Variants in CDH18 observed in about 807,000 individuals in gnomAD.
CDH18 encodes the protein cadherin 18.
A neutral mutation model predicts 67.9 loss-of-function variants in CDH18; 31 were observed. The ratio of observed to expected loss-of-function variants is 0.46; its 90% CI spans 0.34 to 0.62. The LOEUF (loss-of-function observed/expected upper bound fraction) is 0.62. CDH18 is among the 20% of genes least tolerant of loss of function. CDH18 has a pLI of 0.01. For missense variants in CDH18, 890 were observed against 975.5 expected (o/e 0.91, Z 1.17); for synonymous variants, 362 against 347.2 (o/e 1.04, Z -0.48).
At chr5:20,525,533 A>G (rs530542286) in intron 1 of CDH18, among the ~76,000 whole-genome samples, 22 of 152,170 alleles carry the variant, frequency 1.4e-4, no homozygotes, top group African/African-American at 5.3e-4. Flanking sequence ...CCTGCAGTTC[A>G]CCTGGAGAAA....
chr5:19,909,195 C>T (rs1307416849), intron 2 of CDH18, among the ~76,000 whole-genome samples: 10 of 152,076 alleles, frequency 6.6e-5, no homozygotes, highest in Admixed American at 2.6e-4. Flanking sequence ...TAGTCAGCAA[C>T]TCCACAATAT....
chr5:19,833,452 C>A (rs1263733339), intron 3 of CDH18, among the ~76,000 whole-genome samples: 3 of 152,122 alleles, frequency 2.0e-5, no homozygotes, highest in African/African-American at 4.8e-5. Context: ...AATGTAAAAT[C>A]ATGTCATCTG....
At chr5:20,179,826 C>T (rs1737542130) in intron 2 of CDH18, among the ~76,000 whole-genome samples, 1 of 152,062 alleles carries the variant, frequency 6.6e-6, no homozygotes, top group Non-Finnish European at 1.5e-5. Context: ...GACAGACAGG[C>T]AGGGTCTCCA....
intron 1 of CDH18, among the ~76,000 whole-genome samples, chr5:20,415,041 G>T (rs531121854): frequency 1.4e-3 from 219 of 152,248 alleles, no homozygotes; most frequent in South Asian, 5.6e-3. Context: ...CATGTTAATT[G>T]CAGCAGTATG....
rs540911550 is a variant in CDH18 at position 19,577,595 on chromosome 5, T to G, written c.1000-5763A>C. Among the ~76,000 whole-genome samples the G allele has an allele frequency of 2.0e-5, 3 of 152,304 alleles. No individual in the cohort carries two copies. In the South Asian group the frequency reaches 6.2e-4, roughly 32 times the overall value. On this transcript the variant is annotated intron_variant, in intron 7 of 12. Transcript: ENST00000382275. ...AACTATCTAGAGTTTCACCCACACCTGATTAAGATAATGAGATTTAGATTG... is the reference window on the plus strand; with the variant it reads ...AACTATCTAGAGTTTCACCCACACCGGATTAAGATAATGAGATTTAGATTG...
chr5:19,512,000 T>C (rs555213514), intron 10 of CDH18, among the ~76,000 whole-genome samples: 4 of 152,100 alleles, frequency 2.6e-5, no homozygotes, highest in African/African-American at 4.8e-5. Context: ...AAAACTGTTT[T>C]TGTGGGCCAG....
intron 5 of CDH18, among the ~76,000 whole-genome samples, chr5:19,615,879 C>G (rs916725571): frequency 6.6e-6 from 1 of 152,136 alleles, no homozygotes; most frequent in Non-Finnish European, 1.5e-5. Context: ...TTCCTTTTAA[C>G]TCTGACTAAT....
intron 1 of CDH18, among the ~76,000 whole-genome samples, chr5:20,276,253 G>C (rs544212935): frequency 6.6e-6 from 1 of 152,184 alleles, no homozygotes; most frequent in South Asian, 2.1e-4. Flanking sequence ...CCCAGGGAGC[G>C]CAGCTCACAG....
chr5:20,187,555 A>C (rs903314401), intron 2 of CDH18, among the ~76,000 whole-genome samples: 1 of 151,904 alleles, frequency 6.6e-6, no homozygotes, highest in African/African-American at 2.4e-5. Context: ...ACATAAAATA[A>C]ATTTCCTGCT....
intron 3 of CDH18, among the ~76,000 whole-genome samples, chr5:19,811,124 A>G (rs529927509): frequency 8.2e-6 from 1 of 122,656 alleles, no homozygotes; most frequent in Admixed American, 8.6e-5. Context: ...GAAAGAAAGA[A>G]AGAAAGAAAG....
intron 1 of CDH18, among the ~76,000 whole-genome samples, chr5:20,405,594 A>C (rs1482440461): frequency 6.6e-6 from 1 of 152,192 alleles, no homozygotes; most frequent in Non-Finnish European, 1.5e-5. Flanking sequence ...AATGGGATCT[A>C]AGTAAACTAA....
At chr5:20,037,721 T>C (rs1167313405) in intron 2 of CDH18, among the ~76,000 whole-genome samples, 1 of 152,116 alleles carries the variant, frequency 6.6e-6, no homozygotes, top group Non-Finnish European at 1.5e-5. Flanking sequence ...GATGGAAATT[T>C]ATAGCACCAA....
chr5:19,806,842 T>C (rs1474305913), intron 3 of CDH18, among the ~76,000 whole-genome samples: 2 of 152,202 alleles, frequency 1.3e-5, no homozygotes, highest in Admixed American at 6.5e-5. Context: ...ACGATACATA[T>C]ATGTCAATAA....
At chr5:19,655,834 A>T (rs1335738328) in intron 5 of CDH18, among the ~76,000 whole-genome samples, 1 of 152,124 alleles carries the variant, frequency 6.6e-6, no homozygotes, top group East Asian at 1.9e-4. Context: ...TCATCCTTAG[A>T]AAGCACTCTC....
intron 2 of CDH18, among the ~76,000 whole-genome samples, chr5:20,027,359 C>T (rs1297697400): frequency 1.3e-5 from 2 of 152,120 alleles, no homozygotes; most frequent in African/African-American, 4.8e-5. Context: ...ATATAGTCTG[C>T]TGTTTTTGTC....
At chr5:19,871,352 T>G (rs948386739) in intron 2 of CDH18, among the ~76,000 whole-genome samples, 1 of 152,104 alleles carries the variant, frequency 6.6e-6, no homozygotes, top group African/African-American at 2.4e-5. Context: ...CATATACTAT[T>G]CTAAAGTCTA....
At chr5:19,956,641 G>A (rs1197867893) in intron 2 of CDH18, among the ~76,000 whole-genome samples, 1 of 151,034 alleles carries the variant, frequency 6.6e-6, no homozygotes, top group Non-Finnish European at 1.5e-5. Context: ...TTATCAAATT[G>A]TTAACAATAT....
chr5:20,095,653 A>T (rs112426067), intron 2 of CDH18, among the ~76,000 whole-genome samples: 3,210 of 151,760 alleles, frequency 0.021, 111 homozygotes, highest in African/African-American at 0.069. Flanking sequence ...ATGGCCTGTA[A>T]ATTTTTTTTT....
chr5:20,256,500 T>C (rs1027203882), intron 1 of CDH18, among the ~76,000 whole-genome samples: 1 of 152,096 alleles, frequency 6.6e-6, no homozygotes, highest in Non-Finnish European at 1.5e-5. Context: ...GTATCTACTA[T>C]GTGCCAAACA....
Sources: allele counts gnomAD v4.1 joint callset (sites outside exome capture counted in the v4.1 genomes callset), GRCh38; gene constraint gnomAD v4.1.1; transcripts MANE v1.5; gene names NCBI Gene and HGNC (gene_info 2026-07-23, HGNC 2026-07-21).